TGIF2: variants seen among roughly 807,000 people sequenced by gnomAD.
The protein encoded by TGIF2 is homeobox protein TGIF2.
Under a neutral mutation model 15.1 loss-of-function variants are expected in TGIF2, and 5 were observed. The ratio of observed to expected loss-of-function variants is 0.33; its 90% confidence interval spans 0.17 to 0.70. The LOEUF (loss-of-function observed/expected upper bound fraction) is 0.70. TGIF2 is among the 30% of genes least tolerant of loss of function. TGIF2 has a pLI of 0.67. For synonymous variants in TGIF2, 131 were observed against 128.9 expected (o/e 1.02, Z -0.11); for missense variants, 264 against 302.5 (o/e 0.87, Z 0.94).
At chr20:36,576,722 G>T (rs2038437050) in intron 1 of TGIF2, among the ~76,000 whole-genome samples, 1 of 152,094 alleles carries the variant, frequency 6.6e-6, no homozygotes, top group African/African-American at 2.4e-5. Context: ...CGGGGGGATA[G>T]GGGGACAGGG....
chr20:36,588,253 A>C (rs1410314116), intron 2 of TGIF2, among the ~76,000 whole-genome samples: 1 of 151,684 alleles, frequency 6.6e-6, no homozygotes, highest in African/African-American at 2.4e-5. Flanking sequence ...TATGCAGATT[A>C]AACATAATGC....
At chr20:36,579,240 C>T (rs1300366661) in intron 2 of TGIF2, among the ~76,000 whole-genome samples, 8 of 152,104 alleles carry the variant, frequency 5.3e-5, no homozygotes, top group Admixed American at 2.6e-4. Context: ...GATGCGATCT[C>T]GGCTCACTGC....
At chr20:36,589,227 CCATGACTAGGTGCA>C (rs1360195736) in intron 2 of TGIF2, among the ~76,000 whole-genome samples, 1 of 152,136 alleles carries the variant, frequency 6.6e-6, no homozygotes, top group Non-Finnish European at 1.5e-5. Flanking sequence ...TAGTCAGTCT[CCATGACTAGGTGCA>C]CTATAAGCTC....
chr20:36,583,850 C>T (rs1029765850), intron 2 of TGIF2, among the ~76,000 whole-genome samples: 1 of 151,884 alleles, frequency 6.6e-6, no homozygotes, highest in Non-Finnish European at 1.5e-5. Flanking sequence ...TGAGCCGAGA[C>T]TGAGCCACCG....
intron 2 of TGIF2, among the ~76,000 whole-genome samples, chr20:36,585,032 A>G (rs1569532476): frequency 6.6e-6 from 1 of 152,004 alleles, no homozygotes; most frequent in Non-Finnish European, 1.5e-5. Flanking sequence ...CCCCATCTCT[A>G]CTAAAAAATA....
intron 1 of TGIF2, among the ~76,000 whole-genome samples, chr20:36,578,451 A>T (rs1166527690): frequency 6.6e-6 from 1 of 151,982 alleles, no homozygotes; most frequent in Non-Finnish European, 1.5e-5. Context: ...CCAAATGCTT[A>T]GTACCGAACA....
At chr20:36,588,165 C>G (rs1338600702) in intron 2 of TGIF2, among the ~76,000 whole-genome samples, 1 of 151,760 alleles carries the variant, frequency 6.6e-6, no homozygotes, top group Non-Finnish European at 1.5e-5. Flanking sequence ...AGATGTGTGA[C>G]TGGACAAGAG....
chr20:36,585,810 C>T (rs2038646498), intron 2 of TGIF2, among the ~76,000 whole-genome samples: 1 of 152,162 alleles, frequency 6.6e-6, no homozygotes, highest in African/African-American at 2.4e-5. Context: ...GGTTCTGGGC[C>T]CCAATCCTTT....
chr20:36,585,166 C>T (rs1250501128), intron 2 of TGIF2, among the ~76,000 whole-genome samples: 1 of 151,840 alleles, frequency 6.6e-6, no homozygotes, highest in African/African-American at 2.4e-5. Flanking sequence ...CCATTGCACT[C>T]CAGCCTGGGC....
chr20:36,591,992 G>A lies in TGIF2; in HGVS notation c.*561G>A, dbSNP rs560061704. On this transcript the variant is annotated 3_prime_UTR_variant, in exon 3 of 3. Coordinates refer to ENST00000373872, the MANE Select transcript of TGIF2 (RefSeq NM_021809.7). This position sits in a 1 kb window ranked among gnomAD's most constrained non-coding sequence, Gnocchi z 5.3. ...AGTAGTTAGCCCAGGTGTGGGGAAC[G>A]AGAGTGCACTGCATGATAGCGTTCT... 6.5e-6 allele frequency: 1 copy of A among 153,770 alleles called. No individual in the cohort carries two copies. Among genetic ancestry groups the A allele is most frequent in the Admixed American group, 6.5e-5 (1 of 15,470 alleles). The allele number at this position is 153,770 out of a possible 1,614,324, so 9.5% of individuals were successfully genotyped here.
intron 2 of TGIF2, among the ~76,000 whole-genome samples, chr20:36,584,963 G>A (rs1171576175): frequency 6.6e-6 from 1 of 152,128 alleles, no homozygotes; most frequent in East Asian, 1.9e-4. Context: ...TTGGGAGGCC[G>A]AGGCAAACGG....
intron 2 of TGIF2, 44 bp downstream of exon 2, chr20:36,579,010 T>G (rs1316332721): frequency 6.3e-7 from 1 of 1,591,126 alleles, no homozygotes; most frequent in Non-Finnish European, 8.6e-7. Flanking sequence ...AGGACCTGGG[T>G]TCTAGTCCTA....
At chr20:36,574,063 G>A (rs2038358482) in intron 1 of TGIF2, among the ~76,000 whole-genome samples, 1 of 151,726 alleles carries the variant, frequency 6.6e-6, no homozygotes, top group African/African-American at 2.4e-5. Flanking sequence ...CTGAGTGAGC[G>A]CGCGGGGGGA....
At chr20:36,581,454 A>G (rs1014072893) in intron 2 of TGIF2, among the ~76,000 whole-genome samples, 8 of 152,130 alleles carry the variant, frequency 5.3e-5, no homozygotes, top group African/African-American at 1.9e-4. Context: ...CCTGGACTCT[A>G]CTGCCCTCAG....
At chr20:36,579,852 T>A (rs1420533876) in intron 2 of TGIF2, among the ~76,000 whole-genome samples, 1 of 152,218 alleles carries the variant, frequency 6.6e-6, no homozygotes, top group Non-Finnish European at 1.5e-5. Context: ...ACCATGCACA[T>A]GAACACACTC....
chr20:36,592,411 T>C lies in TGIF2; in HGVS notation c.*980T>C, dbSNP rs2038784332. The C allele has an allele frequency of 6.6e-6, 1 of 152,100 alleles. No individual in the cohort carries two copies. The highest frequency in any genetic ancestry group is 2.4e-5 in the African/African-American group (1 of 41,394). 9.4% of individuals were successfully genotyped at this position (152,100 alleles called of 1,614,324 possible). On this transcript the variant is annotated 3_prime_UTR_variant, in exon 3 of 3. Transcript: ENST00000373872. Reference sequence around the variant, plus strand: ...TTTTTTTTTTCTTTTTTTTCTTTAGTGTTTTTCCCTTTGTTCTTGAACACT... The same window carrying C: ...TTTTTTTTTTCTTTTTTTTCTTTAGCGTTTTTCCCTTTGTTCTTGAACACT...
intron 1 of TGIF2, 98 bp from the exon 2 acceptor site, chr20:36,578,643 C>G: frequency 7.5e-7 from 1 of 1,337,192 alleles, no homozygotes; most frequent in East Asian, 2.4e-5. Context: ...TACCCCATTT[C>G]TGGTGTCCCA....
intron 2 of TGIF2, among the ~76,000 whole-genome samples, chr20:36,586,195 G>GT (rs1301743274): frequency 6.6e-6 from 1 of 152,200 alleles, no homozygotes; most frequent in African/African-American, 2.4e-5. Flanking sequence ...TCATCTGTGT[G>GT]TATGTTTTTT....
At chr20:36,579,698 G>C (rs1194514139) in intron 2 of TGIF2, among the ~76,000 whole-genome samples, 1 of 152,190 alleles carries the variant, frequency 6.6e-6, no homozygotes, top group African/African-American at 2.4e-5. Flanking sequence ...GCAGAAGTCA[G>C]AGGTTCTGTG....
Sources: allele counts gnomAD v4.1 joint callset (sites outside exome capture counted in the v4.1 genomes callset), GRCh38; gene constraint gnomAD v4.1.1; non-coding constraint Gnocchi (gnomAD v3.1); transcripts MANE v1.5; gene names NCBI Gene and HGNC (gene_info 2026-07-23, HGNC 2026-07-21).